Variants in KCNMA1 observed in about 807,000 individuals in gnomAD.
KCNMA1 encodes the protein potassium calcium-activated channel subfamily M alpha 1.
In KCNMA1, 29 loss-of-function variants were observed where a neutral mutation model predicts 140.0. The ratio of observed to expected loss-of-function variants is 0.21; its 90% CI spans 0.15 to 0.28. The LOEUF (loss-of-function observed/expected upper bound fraction) is 0.28, where lower values mean the gene tolerates loss of function less well. Among genes scored for constraint, KCNMA1 ranks in the 10% least tolerant of loss-of-function variants. The pLI, the probability that KCNMA1 is intolerant of heterozygous loss-of-function variation, is 1.00. For missense variants in KCNMA1, 880 were observed against 1,602.2 expected (o/e 0.55, Z 7.70); for synonymous variants, 612 against 611.9 (o/e 1.00, Z 0.00).
At chr10:77,630,214 G>T (rs1207464156) in intron 1 of KCNMA1, among the ~76,000 whole-genome samples, 1 of 152,186 alleles carries the variant, frequency 6.6e-6, no homozygotes, top group African/African-American at 2.4e-5. Flanking sequence ...CAGAGGGAGT[G>T]GTCCCCAGCC....
At chr10:77,189,970 T>A (rs7914901) in intron 3 of KCNMA1, among the ~76,000 whole-genome samples, 1 of 152,010 alleles carries the variant, frequency 6.6e-6, no homozygotes, top group African/African-American at 2.4e-5. Context: ...CTAAACTCAT[T>A]CTACATCTCT....
Position 76,995,353 on chromosome 10 carries a change from G to A in KCNMA1, c.2266+6054C>T, listed in dbSNP as rs2083937236. 5 of 344,732 alleles carry A rather than the reference G, an allele frequency of 1.5e-5. No individual in the cohort carries two copies. In the East Asian group the frequency reaches 3.8e-4, roughly 26 times the overall value. The allele number at this position is 344,732 out of a possible 1,614,324, so 21.4% of individuals were successfully genotyped here. ...AGTTATGTCTCCCCAGACCCATAAA[G>A]CCTAAGGCGCTGCAAACTCCACACT... On this transcript the variant is annotated intron_variant, in intron 19 of 27. Transcript: ENST00000286628.
At chr10:77,023,309 G>A (rs770700241) in intron 16 of KCNMA1, among the ~76,000 whole-genome samples, 3 of 152,108 alleles carry the variant, frequency 2.0e-5, no homozygotes, top group Non-Finnish European at 2.9e-5. Flanking sequence ...AACAGATATT[G>A]TTTAAGGAAA....
chr10:77,169,813 G>A lies in KCNMA1; in HGVS notation c.808+13608C>T, dbSNP rs2098683297. On this transcript the variant is annotated intron_variant, in intron 5 of 27. Coordinates refer to ENST00000286628, the MANE Select transcript of KCNMA1 (RefSeq NM_001161352.2). ...TAAATTCCTACCTGGCCTTAAAGGG[G>A]TAAGTCGAATTTAGTGATTGTGATA... Among the ~76,000 whole-genome samples the A allele has an allele frequency of 2.6e-5, 4 of 152,326 alleles. No individual in the cohort carries two copies. In the Middle Eastern group the frequency reaches 0.01, roughly 389 times the overall value.
intron 1 of KCNMA1, among the ~76,000 whole-genome samples, chr10:77,467,236 A>T (rs2098043365): frequency 6.6e-6 from 1 of 152,216 alleles, no homozygotes; most frequent in Non-Finnish European, 1.5e-5. Flanking sequence ...TGACTGTGTC[A>T]GTTTTCATCT....
At chr10:77,362,575 A>C (rs1399235725) in intron 2 of KCNMA1, among the ~76,000 whole-genome samples, 1 of 152,082 alleles carries the variant, frequency 6.6e-6, no homozygotes, top group African/African-American at 2.4e-5. Context: ...CACAGTGCCC[A>C]GAGGACAGCA....
chr10:77,601,442 C>G (rs55893160), intron 1 of KCNMA1, among the ~76,000 whole-genome samples: 78 of 152,334 alleles, frequency 5.1e-4, no homozygotes, highest in Non-Finnish European at 1.0e-3. Flanking sequence ...AGTGAAGAAG[C>G]AGTCAGCATA....
chr10:77,414,556 A>G (rs1469244793), intron 1 of KCNMA1, among the ~76,000 whole-genome samples: 1 of 152,044 alleles, frequency 6.6e-6, no homozygotes, highest in Non-Finnish European at 1.5e-5. Context: ...CAGTGATGCA[A>G]TCTCAGCTCA....
chr10:77,539,041 C>T (rs747817859), intron 1 of KCNMA1, among the ~76,000 whole-genome samples: 1 of 152,170 alleles, frequency 6.6e-6, no homozygotes, highest in Non-Finnish European at 1.5e-5. Context: ...GAACACACTC[C>T]AATACAGGCT....
At chr10:77,032,525 C>A (rs1015356138) in intron 15 of KCNMA1, among the ~76,000 whole-genome samples, 3 of 152,048 alleles carry the variant, frequency 2.0e-5, no homozygotes, top group Non-Finnish European at 2.9e-5. Context: ...ATGTCCAACG[C>A]AGGAAGTTGT....
At chr10:77,364,902 G>A (rs969595833) in intron 2 of KCNMA1, among the ~76,000 whole-genome samples, 6 of 152,140 alleles carry the variant, frequency 3.9e-5, no homozygotes, top group African/African-American at 1.2e-4. Flanking sequence ...AAATAATTTG[G>A]GCTATAAATA....
At chr10:77,509,563 C>G (rs763594804) in intron 1 of KCNMA1, among the ~76,000 whole-genome samples, 18 of 152,306 alleles carry the variant, frequency 1.2e-4, no homozygotes, top group South Asian at 4.1e-4. Flanking sequence ...TTTTGAGGAA[C>G]TGCCATACTG....
At chr10:77,133,031 A>C (rs1432058930) in intron 5 of KCNMA1, among the ~76,000 whole-genome samples, 1 of 152,104 alleles carries the variant, frequency 6.6e-6, no homozygotes, top group Non-Finnish European at 1.5e-5. Context: ...AAAGGTGTGC[A>C]GAAATTCTTG....
chr10:77,454,046 C>T (rs2097712431), intron 1 of KCNMA1, among the ~76,000 whole-genome samples: 3 of 152,138 alleles, frequency 2.0e-5, no homozygotes. Context: ...CAAACTGTTT[C>T]CATACAACTT....
chr10:76,877,081 G>A (rs564761250), downstream of KCNMA1: 4 of 152,772 alleles, frequency 2.6e-5, no homozygotes, highest in East Asian at 7.7e-4. Context: ...TATGAACAAA[G>A]GGGTGAGAAC....
At chr10:77,610,198 A>C (rs752115687) in intron 1 of KCNMA1, among the ~76,000 whole-genome samples, 1 of 152,112 alleles carries the variant, frequency 6.6e-6, no homozygotes, top group Non-Finnish European at 1.5e-5. Context: ...CCTCTAACAC[A>C]CACAATCCCA....
chr10:77,200,720 G>A (rs902242520), intron 3 of KCNMA1, among the ~76,000 whole-genome samples: 4 of 151,842 alleles, frequency 2.6e-5, no homozygotes, highest in East Asian at 3.9e-4. Flanking sequence ...AGTTAGAATC[G>A]ACATAAAATG....
intron 1 of KCNMA1, among the ~76,000 whole-genome samples, chr10:77,502,483 A>G (rs1235612382): frequency 6.6e-6 from 1 of 151,928 alleles, no homozygotes; most frequent in Non-Finnish European, 1.5e-5. Context: ...ACTTCATCTT[A>G]CCATCCCCTT....
downstream of KCNMA1, among the ~76,000 whole-genome samples, chr10:76,881,503 CTG>C (rs1266020010): frequency 6.6e-6 from 1 of 152,176 alleles, no homozygotes; most frequent in Non-Finnish European, 1.5e-5. Flanking sequence ...CTCTCAGATT[CTG>C]TGTCTTTCAA....
Sources: gnomAD v4.1 joint callset for allele counts (sites outside exome capture counted in the v4.1 genomes callset) on GRCh38, gnomAD v4.1.1 for gene constraint, MANE v1.5 for transcripts, NCBI Gene and HGNC (gene_info 2026-07-23, HGNC 2026-07-21) for gene names.